The following DCC variants were observed in gnomAD, a reference collection of about 807,000 sequenced individuals.
DCC encodes DCC netrin 1 receptor.
A neutral mutation model predicts 172.5 loss-of-function variants in DCC; 58 were observed. That is an observed-to-expected ratio of 0.34 (90% confidence interval 0.27 to 0.42). DCC has a LOEUF of 0.42. DCC is among the 10% of genes least tolerant of loss of function. DCC has a pLI of 1.00. For missense variants in DCC, 1,740 were observed against 1,791.0 expected (o/e 0.97, Z 0.51); for synonymous variants, 709 against 644.5 (o/e 1.10, Z -1.52).
At chr18:52,813,953 C>G (rs577155595) in intron 2 of DCC, among the ~76,000 whole-genome samples, 2 of 152,312 alleles carry the variant, frequency 1.3e-5, no homozygotes, top group East Asian at 1.9e-4. Context: ...CAGACTTGGA[C>G]TGAAACTACA....
intron 2 of DCC, among the ~76,000 whole-genome samples, chr18:52,768,753 G>A (rs535622097): frequency 6.6e-6 from 1 of 152,046 alleles, no homozygotes; most frequent in Non-Finnish European, 1.5e-5. Flanking sequence ...TCATTATTTA[G>A]CATAGGGAGG....
chr18:52,813,748 T>C (rs191448401), intron 2 of DCC, among the ~76,000 whole-genome samples: 3 of 152,306 alleles, frequency 2.0e-5, no homozygotes, highest in Admixed American at 6.5e-5. Flanking sequence ...ATGTAATCAA[T>C]TGAAAGCCTG....
intron 1 of DCC, among the ~76,000 whole-genome samples, chr18:52,552,585 T>C (rs781230264): frequency 1.3e-5 from 2 of 152,052 alleles, no homozygotes; most frequent in Non-Finnish European, 2.9e-5. Context: ...TTGGGGACAG[T>C]AAAAGCATCT....
intron 24 of DCC, among the ~76,000 whole-genome samples, chr18:53,464,660 C>T (rs1473780793): frequency 2.0e-5 from 3 of 151,566 alleles, no homozygotes; most frequent in Non-Finnish European, 4.4e-5. Flanking sequence ...CACACAGACA[C>T]CCAACAATAT....
chr18:53,327,521 G>A (rs557079609), intron 14 of DCC, among the ~76,000 whole-genome samples: 1 of 152,090 alleles, frequency 6.6e-6, no homozygotes, highest in African/African-American at 2.4e-5. Context: ...ATTTAAAATC[G>A]ACTCTCTACC....
chr18:53,098,787 G>C (rs2043122647), intron 7 of DCC, among the ~76,000 whole-genome samples: 1 of 152,116 alleles, frequency 6.6e-6, no homozygotes, highest in African/African-American at 2.4e-5. Context: ...CATGAGAATT[G>C]TTTGAGCCTA....
rs200290928 is a variant in DCC at position 53,526,882 on chromosome 18, ATTG to A, written c.4254+129_4254+131del. ...GCCACCCCAGGCCATTGTTGTTCTT[ATTG>A]TTGTTTGTTCCTTTGTTTTCCTGCA... On this transcript the variant is annotated intron_variant, in intron 28 of 28. Transcript: ENST00000442544. 8.3e-3 allele frequency: 3,299 copies of A among 395,584 alleles called. 88 individuals carry two copies. Among genetic ancestry groups the A allele is most frequent in the African/African-American group, 0.07 (2,960 of 42,146 alleles). The allele number at this position is 395,584 out of a possible 1,614,324, so 24.5% of individuals were successfully genotyped here. A position where few individuals can be genotyped will look rare whatever the true frequency, so the allele number is the denominator to read the frequency against.
chr18:52,523,136 T>C (rs1006422909), intron 1 of DCC, among the ~76,000 whole-genome samples: 7 of 152,180 alleles, frequency 4.6e-5, no homozygotes, highest in Admixed American at 3.9e-4. Context: ...CCATTGTTTT[T>C]TAGGTGGTCT....
intron 12 of DCC, among the ~76,000 whole-genome samples, chr18:53,275,253 A>G (rs1568406391): frequency 6.6e-6 from 1 of 152,122 alleles, no homozygotes; most frequent in Non-Finnish European, 1.5e-5. Context: ...TGCTAGATTG[A>G]GCTTAAGGCT....
rs186792614 is a variant in DCC, at chr18:52,932,914, G to C, written c.985+7544G>C. On this transcript the variant is annotated intron_variant, in intron 5 of 28. Coordinates refer to ENST00000442544, the MANE Select transcript of DCC (RefSeq NM_005215.4). ...CATATGATTATCTCAACCATTAAATGAGGTTCTGATTCTGCAAATAGATAA... is the reference window on the plus strand; with the variant it reads ...CATATGATTATCTCAACCATTAAATCAGGTTCTGATTCTGCAAATAGATAA... 4.6e-5 allele frequency among the ~76,000 whole-genome samples: 7 copies of C among 152,058 alleles called. No homozygotes were observed. The East Asian group carries it at 7.8e-4, about 17-fold the overall frequency.
chr18:52,674,379 C>A (rs2035611472), intron 1 of DCC, among the ~76,000 whole-genome samples: 4 of 152,094 alleles, frequency 2.6e-5, no homozygotes, highest in Non-Finnish European at 5.9e-5. Context: ...AAAATTGAAC[C>A]TTCTCCTTCC....
intron 7 of DCC, among the ~76,000 whole-genome samples, chr18:53,072,565 C>T (rs1043871873): frequency 2.0e-5 from 3 of 152,104 alleles, no homozygotes; most frequent in Non-Finnish European, 4.4e-5. Flanking sequence ...ACGATAGGGG[C>T]ATACGTAGTC....
At chr18:52,446,532 G>A (rs1988129112) in intron 1 of DCC, among the ~76,000 whole-genome samples, 1 of 152,100 alleles carries the variant, frequency 6.6e-6, no homozygotes, top group Non-Finnish European at 1.5e-5. Flanking sequence ...AAATGCATTG[G>A]AATTGCTTTA....
At chr18:52,454,365 T>C (rs190042302) in intron 1 of DCC, among the ~76,000 whole-genome samples, 229 of 152,198 alleles carry the variant, frequency 1.5e-3, no homozygotes, top group African/African-American at 5.4e-3. Flanking sequence ...ATAACTTTTT[T>C]AAGTAGAGCA....
At chr18:52,751,853 G>T (rs1689196183) in intron 1 of DCC, among the ~76,000 whole-genome samples, 1 of 151,676 alleles carries the variant, frequency 6.6e-6, no homozygotes, top group South Asian at 2.1e-4. Context: ...GGAGCCAATT[G>T]TTTTCTTAAT....
intron 9 of DCC, 120 bp from the exon 10 acceptor site, chr18:53,205,096 C>G: frequency 1.3e-6 from 1 of 772,624 alleles, no homozygotes; most frequent in Non-Finnish European, 2.2e-6. Context: ...CCATATTATT[C>G]TAAAATACAT....
rs149988326 is a variant in DCC at position 52,633,669 on chromosome 18, AAAG to A, written c.92-118378_92-118376del. 7.0e-3 allele frequency among the ~76,000 whole-genome samples: 1,071 copies of A among 152,312 alleles called. 15 individuals are homozygous for A. The highest frequency in any genetic ancestry group is 0.024 in the African/African-American group (1,012 of 41,550). ...GTTTCACTGTCAAATTGTAGTTTCT[AAAG>A]AAGAAGTCTAGGTTTAGCCCAACCT... On this transcript the variant is annotated intron_variant, in intron 1 of 28. Coordinates refer to ENST00000442544, the MANE Select transcript of DCC (RefSeq NM_005215.4).
chr18:52,442,688 G>A (rs562014647), intron 1 of DCC, among the ~76,000 whole-genome samples: 57 of 152,306 alleles, frequency 3.7e-4, no homozygotes, highest in Non-Finnish European at 7.9e-4. Flanking sequence ...TTTACAGATT[G>A]AGAAAATAAT....
At chr18:52,940,578 G>A (rs539973424) in intron 5 of DCC, among the ~76,000 whole-genome samples, 1 of 152,310 alleles carries the variant, frequency 6.6e-6, no homozygotes, top group East Asian at 1.9e-4. Flanking sequence ...TGACTCTGAA[G>A]CTGTTCTAGC....
Sources: allele counts gnomAD v4.1 joint callset (sites outside exome capture counted in the v4.1 genomes callset), GRCh38; gene constraint gnomAD v4.1.1; transcripts MANE v1.5; gene names NCBI Gene and HGNC (gene_info 2026-07-23, HGNC 2026-07-21).